The following ZDHHC17 variants were observed in gnomAD, a reference collection of about 807,000 sequenced individuals.
ZDHHC17 encodes zDHHC palmitoyltransferase 17.
A neutral mutation model predicts 90.3 loss-of-function variants in ZDHHC17; 40 were observed. That is an observed-to-expected ratio of 0.44 (90% CI 0.34 to 0.58). The LOEUF (loss-of-function observed/expected upper bound fraction) is 0.58. Ranked by LOEUF, ZDHHC17 falls within the 20% of genes least tolerant of loss-of-function variation. The pLI, the probability that ZDHHC17 is intolerant of heterozygous loss-of-function variation, is 0.01. For synonymous variants in ZDHHC17, 235 were observed against 252.4 expected, an observed-to-expected ratio of 0.93 and a Z score of 0.65; for missense variants, 614 against 780.8, an observed-to-expected ratio of 0.79 and a Z score of 2.55.
chr12:76,798,248 A>G (rs1302064047), intron 2 of ZDHHC17, among the ~76,000 whole-genome samples: 1 of 152,250 alleles, frequency 6.6e-6, no homozygotes, highest in Non-Finnish European at 1.5e-5. Context: ...GAAATATCAC[A>G]GTTTTCTAAA....
intron 10 of ZDHHC17, among the ~76,000 whole-genome samples, chr12:76,839,699 A>G (rs1953409475): frequency 6.6e-6 from 1 of 152,226 alleles, no homozygotes; most frequent in African/African-American, 2.4e-5. Flanking sequence ...TTTAAACATA[A>G]AAGCAAAAAT....
chr12:76,773,589 T>C (rs77812899), intron 1 of ZDHHC17, among the ~76,000 whole-genome samples: 4,610 of 152,280 alleles, frequency 0.03, 145 homozygotes, highest in African/African-American at 0.077. Flanking sequence ...TCAAGAGAGG[T>C]GAAGTAGTTT....
At chr12:76,827,099 T>C (rs964514751) in intron 9 of ZDHHC17, 49 bp downstream of exon 9, 5 of 1,494,498 alleles carry the variant, frequency 3.3e-6, no homozygotes, top group Non-Finnish European at 4.4e-6. Flanking sequence ...TGAAATAATA[T>C]AATTTGTACT....
At position 76,842,941 on chromosome 12, in the gene ZDHHC17, C is replaced by A. The variant is rs202040351; in HGVS notation, c.1289C>A (p.Thr430Lys). The change falls in exon 12 of 17, where the codon ACA (threonine) becomes AAA (lysine). Residue 430 changes from threonine to lysine, a missense_variant. By Grantham distance (78) the Thr-to-Lys change is moderately conservative (BLOSUM62 -1). Around this residue, in one of 5 missense-constraint regions of ZDHHC17, gnomAD observed 117 missense variants for 183.6 expected, o/e 0.64. Coordinates refer to ENST00000426126, the MANE Select transcript of ZDHHC17 (RefSeq NM_015336.4). Reference sequence around the variant, plus strand: ...CAGACAATAGTTGAACTTGCAGAGACAGGAAGTCTGGACCTCAGTATATTC... The same window carrying A: ...CAGACAATAGTTGAACTTGCAGAGAAAGGAAGTCTGGACCTCAGTATATTC... ...KKKTIVELAE[T>K]GSLDLSIFCS... 6 of 1,610,820 alleles carry A rather than the reference C, an allele frequency of 3.7e-6. No individual in the cohort carries two copies. The African/African-American group carries it at 8.0e-5, about 22-fold the overall frequency.
At chr12:76,780,500 C>T (rs1163843408) in intron 1 of ZDHHC17, among the ~76,000 whole-genome samples, 5 of 152,276 alleles carry the variant, frequency 3.3e-5, no homozygotes, top group South Asian at 4.1e-4. Flanking sequence ...AAATAAAAAA[C>T]TTTATTTTTC....
At chr12:76,822,073 A>C (rs1430798572) in intron 7 of ZDHHC17, among the ~76,000 whole-genome samples, 2 of 152,152 alleles carry the variant, frequency 1.3e-5, no homozygotes, top group Non-Finnish European at 2.9e-5. Context: ...TTACTAATGA[A>C]ATTTTTAAAG....
At chr12:76,819,911 T>G (rs913815273) in intron 7 of ZDHHC17, among the ~76,000 whole-genome samples, 1 of 151,622 alleles carries the variant, frequency 6.6e-6, no homozygotes, top group Non-Finnish European at 1.5e-5. Context: ...GAGAATTGCT[T>G]GAACCTGAGA....
chr12:76,830,552 T>A lies in ZDHHC17; in HGVS notation c.1141+2062T>A, dbSNP rs889474459. 3.3e-5 allele frequency among the ~76,000 whole-genome samples: 5 copies of A among 152,336 alleles called. No individual in the cohort carries two copies. The South Asian group carries it at 6.2e-4, about 19-fold the overall frequency. On this transcript the variant is annotated intron_variant, in intron 10 of 16. Transcript: ENST00000426126. ...TAAAAATTGTTCCTCAAGGATTTAT[T>A]AAGCATTAGAATTGCCATATTGGAA...
chr12:76,830,360 A>G (rs547472185), intron 10 of ZDHHC17, among the ~76,000 whole-genome samples: 89 of 152,264 alleles, frequency 5.8e-4, no homozygotes, highest in Admixed American at 1.8e-3. Flanking sequence ...TTTGAGACCT[A>G]AGGCACAGAA....
chr12:76,782,822 T>C (rs1952642246), intron 1 of ZDHHC17, among the ~76,000 whole-genome samples: 1 of 150,794 alleles, frequency 6.6e-6, no homozygotes, highest in Non-Finnish European at 1.5e-5. Flanking sequence ...CAAGGACAGG[T>C]GGGGATTTAT....
Position 76,853,673 on chromosome 12 carries a change from A to T in ZDHHC17, c.*2688A>T, listed in dbSNP as rs1953590109. 1 of 152,462 alleles carries T rather than the reference A, an allele frequency of 6.6e-6. No homozygotes were observed. The allele number at this position is 152,462 out of a possible 1,614,324, so 9.4% of individuals were successfully genotyped here. ...AATGTCAAAATTTTGTAAAATATTA[A>T]TCAGAATAAATACTGACTCTTAAGT... On this transcript the variant is annotated 3_prime_UTR_variant, in exon 17 of 17. Coordinates refer to ENST00000426126, the MANE Select transcript of ZDHHC17 (RefSeq NM_015336.4).
chr12:76,771,503 A>ATAACAT (rs1046200060), intron 1 of ZDHHC17, among the ~76,000 whole-genome samples: 6 of 152,226 alleles, frequency 3.9e-5, no homozygotes, highest in African/African-American at 1.2e-4. Context: ...TATGAAGATT[A>ATAACAT]TAACATTAAC....
intron 1 of ZDHHC17, among the ~76,000 whole-genome samples, chr12:76,771,746 A>G (rs530185167): frequency 2.8e-5 from 4 of 141,508 alleles, no homozygotes; most frequent in South Asian, 2.2e-4. Context: ...TATTCTCATG[A>G]AAAAAAAAAA....
chr12:76,799,156 A>T (rs1012455341), intron 2 of ZDHHC17, among the ~76,000 whole-genome samples: 1 of 152,214 alleles, frequency 6.6e-6, no homozygotes, highest in African/African-American at 2.4e-5. Flanking sequence ...AAGCAAAAAA[A>T]GAATTCTCTG....
In ZDHHC17 at chr12:76,853,581, C is replaced by T. The variant is rs1953589153; in HGVS notation, c.*2596C>T. On this transcript the variant is annotated 3_prime_UTR_variant, in exon 17 of 17. Coordinates refer to ENST00000426126, the MANE Select transcript of ZDHHC17 (RefSeq NM_015336.4). Reference sequence around the variant, plus strand: ...GTGCCAAGTATTATTTTGCTACTTACCGTGTTATTCTGTGGAAAGAAAAAC... The same window carrying T: ...GTGCCAAGTATTATTTTGCTACTTATCGTGTTATTCTGTGGAAAGAAAAAC... 1 of 152,112 alleles carries T rather than the reference C, an allele frequency of 6.6e-6. No homozygotes were observed. Among genetic ancestry groups the T allele is most frequent in the South Asian group, 2.1e-4 (1 of 4,802 alleles). 9.4% of individuals were successfully genotyped at this position (152,112 alleles called of 1,614,324 possible). A position where few individuals can be genotyped will look rare whatever the true frequency, so the allele number is the denominator to read the frequency against.
intron 1 of ZDHHC17, chr12:76,764,843 T>G (rs558668429): frequency 2.2e-6 from 1 of 456,228 alleles, no homozygotes; most frequent in African/African-American, 2.0e-5. Flanking sequence ...TCGGGCACCT[T>G]GTGTCGGGCG....
At chr12:76,836,928 CTA>C (rs761952345) in intron 10 of ZDHHC17, among the ~76,000 whole-genome samples, 2 of 152,122 alleles carry the variant, frequency 1.3e-5, no homozygotes, top group Non-Finnish European at 2.9e-5. Context: ...TTAGCAATGA[CTA>C]TTTATTTTAA....
intron 1 of ZDHHC17, among the ~76,000 whole-genome samples, chr12:76,795,495 C>G (rs1186769103): frequency 6.6e-6 from 1 of 152,008 alleles, no homozygotes; most frequent in African/African-American, 2.4e-5. Context: ...AGGTATCTTA[C>G]AGCCATATAG....
intron 10 of ZDHHC17, chr12:76,841,170 G>A (rs1388229755): frequency 1.3e-5 from 2 of 152,198 alleles, no homozygotes; most frequent in Non-Finnish European, 2.9e-5. Context: ...GCTATTGAGT[G>A]TTCTGGTATT....
Sources: allele counts gnomAD v4.1 joint callset (sites outside exome capture counted in the v4.1 genomes callset), GRCh38; gene constraint gnomAD v4.1.1; regional missense constraint gnomAD v4.1.1; transcripts MANE v1.5; gene names NCBI Gene and HGNC (gene_info 2026-07-23, HGNC 2026-07-21).